The following GNA14 variants were observed in gnomAD, a reference collection of about 807,000 sequenced individuals.
The protein encoded by GNA14 is guanine nucleotide-binding protein subunit alpha-14.
Under a neutral mutation model 42.0 loss-of-function variants are expected in GNA14, and 50 were observed. That is an observed-to-expected ratio of 1.19 (90% CI 0.95 to 1.51). The LOEUF is 1.51. Among genes scored for constraint, GNA14 ranks in the 40% most tolerant of loss-of-function variants. The probability of loss-of-function intolerance (pLI) is 0.00; values close to 1 mark genes in which losing one functional copy is unlikely to be tolerated. For synonymous variants in GNA14, 173 were observed against 163.1 expected (o/e 1.06, Z -0.46); for missense variants, 473 against 446.2 (o/e 1.06, Z -0.54).
chr9:77,515,185 T>C (rs996803144), intron 2 of GNA14, among the ~76,000 whole-genome samples: 1 of 152,182 alleles, frequency 6.6e-6, no homozygotes, highest in Non-Finnish European at 1.5e-5. Context: ...GTGGATAGGC[T>C]TTTGGCAAAC....
chr9:77,624,336 G>A (rs1054341277), intron 1 of GNA14, among the ~76,000 whole-genome samples: 2 of 152,204 alleles, frequency 1.3e-5, no homozygotes, highest in African/African-American at 4.8e-5. Context: ...GGCAGCTGTG[G>A]GTGCAGCTTC....
chr9:77,484,867 T>A (rs1836629746), intron 2 of GNA14, among the ~76,000 whole-genome samples: 1 of 152,210 alleles, frequency 6.6e-6, no homozygotes. Context: ...TAGCATTATA[T>A]CTAAAAAAAC....
At chr9:77,499,221 G>T (rs895807728) in intron 2 of GNA14, among the ~76,000 whole-genome samples, 1 of 152,054 alleles carries the variant, frequency 6.6e-6, no homozygotes, top group African/African-American at 2.4e-5. Context: ...ACTAACATTT[G>T]TAATTCTTCT....
At chr9:77,635,912 G>A (rs1050660869) in intron 1 of GNA14, among the ~76,000 whole-genome samples, 14 of 152,110 alleles carry the variant, frequency 9.2e-5, no homozygotes, top group Non-Finnish European at 1.9e-4. Flanking sequence ...AAACACTGTA[G>A]GAAGGAACCA....
chr9:77,506,366 A>G (rs964848318), intron 2 of GNA14, among the ~76,000 whole-genome samples: 3 of 152,016 alleles, frequency 2.0e-5, no homozygotes, highest in Admixed American at 2.0e-4. Context: ...TCATTTCAAC[A>G]TGCAATCAAT....
intron 2 of GNA14, among the ~76,000 whole-genome samples, chr9:77,493,806 CT>C (rs1197674936): frequency 2.6e-5 from 4 of 152,154 alleles, no homozygotes; most frequent in African/African-American, 9.7e-5. Context: ...TGGTGGAGGG[CT>C]TTTTAACATC....
At chr9:77,628,613 A>G (rs982908419) in intron 1 of GNA14, among the ~76,000 whole-genome samples, 4 of 152,172 alleles carry the variant, frequency 2.6e-5, no homozygotes, top group Non-Finnish European at 5.9e-5. Context: ...TCCTTGACCA[A>G]CCCGACAAAA....
chr9:77,428,071 C>CTTTTT (rs1182913068), intron 5 of GNA14, among the ~76,000 whole-genome samples: 43 of 130,664 alleles, frequency 3.3e-4, no homozygotes, highest in East Asian at 6.8e-4. Context: ...GGCATTTTTT[C>CTTTTT]TTTTTTTTTT....
chr9:77,586,474 C>A (rs1222297435), intron 1 of GNA14, among the ~76,000 whole-genome samples: 1 of 152,066 alleles, frequency 6.6e-6, no homozygotes, highest in African/African-American at 2.4e-5. Context: ...AATAAAGTGG[C>A]ATAGTTGTCT....
intron 1 of GNA14, among the ~76,000 whole-genome samples, chr9:77,531,724 C>A (rs1837531588): frequency 6.6e-6 from 1 of 152,138 alleles, no homozygotes. Context: ...CTAAGAGAAT[C>A]TTTTTGCTAA....
At chr9:77,508,652 G>T (rs1170602941) in intron 2 of GNA14, among the ~76,000 whole-genome samples, 2 of 152,104 alleles carry the variant, frequency 1.3e-5, no homozygotes, top group East Asian at 3.9e-4. Flanking sequence ...CCAAATACAT[G>T]GCAACAAGCT....
At chr9:77,616,120 C>CAG (rs1159419461) in intron 1 of GNA14, among the ~76,000 whole-genome samples, 7 of 152,152 alleles carry the variant, frequency 4.6e-5, no homozygotes, top group African/African-American at 1.7e-4. Context: ...CTTGTCAACC[C>CAG]AGACACTGGC....
chr9:77,542,303 C>T (rs1173413580), intron 1 of GNA14, among the ~76,000 whole-genome samples: 1 of 152,166 alleles, frequency 6.6e-6, no homozygotes, highest in East Asian at 1.9e-4. Flanking sequence ...CAGCTGTAAA[C>T]AGTGTCAATG....
chr9:77,539,567 G>A (rs563632486), intron 1 of GNA14, among the ~76,000 whole-genome samples: 2 of 152,272 alleles, frequency 1.3e-5, no homozygotes, highest in East Asian at 3.9e-4. Flanking sequence ...TTTTGGAATA[G>A]TTTCAGGAAG....
intron 1 of GNA14, among the ~76,000 whole-genome samples, chr9:77,553,897 G>A (rs1316789661): frequency 6.6e-6 from 1 of 152,200 alleles, no homozygotes; most frequent in Non-Finnish European, 1.5e-5. Context: ...CGTAGTGATA[G>A]GAGACCAATT....
At chr9:77,526,488 G>A (rs1339608341) in intron 2 of GNA14, 1 of 152,194 alleles carries the variant, frequency 6.6e-6, no homozygotes, top group Non-Finnish European at 1.5e-5. Flanking sequence ...CCAGCGACTG[G>A]TGTCCTTGTA....
chr9:77,509,108 C>T (rs551183437), intron 2 of GNA14, among the ~76,000 whole-genome samples: 4 of 152,096 alleles, frequency 2.6e-5, no homozygotes, highest in Non-Finnish European at 5.9e-5. Flanking sequence ...CCCATTGGCC[C>T]CTCCCCACGC....
At chr9:77,524,980 C>T (rs1467319051) in intron 2 of GNA14, among the ~76,000 whole-genome samples, 1 of 152,044 alleles carries the variant, frequency 6.6e-6, no homozygotes, top group Admixed American at 6.6e-5. Context: ...TCCCCAGGAC[C>T]AGGGTCAGCA....
chr9:77,639,671 T>A (rs1464327559), intron 1 of GNA14, among the ~76,000 whole-genome samples: 1 of 152,250 alleles, frequency 6.6e-6, no homozygotes, highest in Non-Finnish European at 1.5e-5. Flanking sequence ...ACTGACTGTG[T>A]CCTTGACAGT....
Sources: gnomAD v4.1 joint callset for allele counts (sites outside exome capture counted in the v4.1 genomes callset) on GRCh38, gnomAD v4.1.1 for gene constraint, MANE v1.5 for transcripts, NCBI Gene and HGNC (gene_info 2026-07-23, HGNC 2026-07-21) for gene names.